ZNF584: variants seen among roughly 807,000 people sequenced by gnomAD.
The protein encoded by ZNF584 is zinc finger protein 584.
In ZNF584, 12 loss-of-function variants were observed where a neutral mutation model predicts 14.7. The ratio of observed to expected loss-of-function variants is 0.82; its 90% confidence interval spans 0.52 to 1.32. The LOEUF (loss-of-function observed/expected upper bound fraction) is 1.32. ZNF584 is among the 40% of genes most tolerant of loss of function. The pLI is 0.00. For missense variants in ZNF584, 478 were observed against 518.8 expected, an observed-to-expected ratio of 0.92 and a Z score of 0.76; for synonymous variants, 204 against 190.9, an observed-to-expected ratio of 1.07 and a Z score of -0.57.
chr19:58,402,876 C>G (rs1274158520), intron 1 of ZNF584, among the ~76,000 whole-genome samples: 1 of 148,582 alleles, frequency 6.7e-6, no homozygotes, highest in Non-Finnish European at 1.5e-5. Context: ...AGACCCCTCA[C>G]CTAAGAAAAA....
chr19:58,408,483 C>T (rs547682898), upstream of ZNF584: 3 of 152,584 alleles, frequency 2.0e-5, no homozygotes, highest in Admixed American at 2.0e-4. Context: ...CGCCCCAAAG[C>T]CAGCGCCGAA....
At chr19:58,408,106 A>T (rs2052490146), upstream of ZNF584, 1 of 152,284 alleles carries the variant, frequency 6.6e-6, no homozygotes, top group South Asian at 2.1e-4. Context: ...CCCTGGTCCC[A>T]GCCGCTCTTT....
upstream of ZNF584, chr19:58,408,181 C>T (rs1350200619): frequency 6.6e-6 from 1 of 152,268 alleles, no homozygotes; most frequent in African/African-American, 2.4e-5. Flanking sequence ...GAGCCTTGCT[C>T]CGGGCTCCGT....
intron 1 of ZNF584, among the ~76,000 whole-genome samples, chr19:58,409,557 AG>A (rs1321845935): frequency 2.0e-5 from 3 of 152,126 alleles, no homozygotes; most frequent in African/African-American, 7.2e-5. Context: ...GAGAAGGATG[AG>A]CATAGGTTTG....
chr19:58,413,609 C>T (rs867313943), intron 2 of ZNF584, among the ~76,000 whole-genome samples: 2 of 151,088 alleles, frequency 1.3e-5, no homozygotes, highest in East Asian at 2.0e-4. Flanking sequence ...CAAGTTCAAG[C>T]GATTCTCCTG....
intron 3 of ZNF584, chr19:58,416,077 T>G (rs2052638797): frequency 9.7e-7 from 1 of 1,028,246 alleles, no homozygotes; most frequent in African/African-American, 1.6e-5. Flanking sequence ...GCTGAAACCC[T>G]TTGCAGAGGA....
At chr19:58,404,350 C>T, upstream of ZNF584, 180 of 153,804 alleles carry the variant, frequency 1.2e-3, no homozygotes, top group Middle Eastern at 5.9e-3. Flanking sequence ...GAACAAAGGT[C>T]TCTGGTTTTC....
At chr19:58,407,920 G>C (rs1028695423), upstream of ZNF584, among the ~76,000 whole-genome samples, 5 of 152,210 alleles carry the variant, frequency 3.3e-5, no homozygotes, top group African/African-American at 4.8e-5. Context: ...ACCATGGCCT[G>C]ATATGGGGTA....
intron 2 of ZNF584, among the ~76,000 whole-genome samples, chr19:58,414,659 C>T (rs1421486981): frequency 6.6e-6 from 1 of 151,836 alleles, no homozygotes; most frequent in Non-Finnish European, 1.5e-5. Context: ...ATTTTATATC[C>T]TAGCAAATGG....
At chr19:58,403,853 C>G (rs948432671), upstream of ZNF584, among the ~76,000 whole-genome samples, 9 of 150,638 alleles carry the variant, frequency 6.0e-5, no homozygotes, top group African/African-American at 2.2e-4. Flanking sequence ...CTTGTCGTCC[C>G]AGCTATTCGT....
At chr19:58,402,336 C>G (rs906481863) in intron 1 of ZNF584, among the ~76,000 whole-genome samples, 3 of 152,230 alleles carry the variant, frequency 2.0e-5, no homozygotes, top group Admixed American at 6.5e-5. Flanking sequence ...AAGAAGTGCC[C>G]AAGAGGGGCC....
Position 58,417,095 on chromosome 19 carries a change from A to G in ZNF584, c.577A>G (p.Arg193Gly). The part of the protein sequence containing the change: ...EERPFRCPTG[R>G]SAFKKSAHIN... ...GAGACCCTTCAGATGCCCAACAGGCAGAAGTGCTTTCAAGAAGTCAGCTCA... is the reference window on the plus strand; with the variant it reads ...GAGACCCTTCAGATGCCCAACAGGCGGAAGTGCTTTCAAGAAGTCAGCTCA... Residue 193 changes from arginine to glycine, a missense_variant, in exon 4 of 4, where the codon AGA becomes GGA. Around this residue, in one of 3 missense-constraint regions of ZNF584, gnomAD observed 283 missense variants for 317.3 expected, o/e 0.89. Coordinates refer to ENST00000306910, the MANE Select transcript of ZNF584 (RefSeq NM_173548.3). 6.2e-7 allele frequency: 1 copy of G among 1,614,052 alleles called. No homozygotes were observed. Among genetic ancestry groups the G allele is most frequent in the Non-Finnish European group, 8.5e-7 (1 of 1,179,894 alleles).
chr19:58,417,625 C>T lies in ZNF584; in HGVS notation c.1107C>T (p.Arg369=). The stretch of plus-strand genomic sequence containing the variant: ...AAACCTTCACTACCAGATCCTACCG[C>T]AATCGGCACCAGCAGTTCCACACTG... The part of the protein sequence containing the change: ...CGKTFTTRSY[R]NRHQQFHTEE... Residue 369 remains arginine, a synonymous_variant, in exon 4 of 4, where the codon CGC becomes CGT. Transcript: ENST00000306910. 1 of 1,614,136 alleles carries T rather than the reference C, an allele frequency of 6.2e-7. No individual in the cohort carries two copies. Among genetic ancestry groups the T allele is most frequent in the East Asian group, 2.2e-5 (1 of 44,866 alleles).
chr19:58,417,294 TACACCAGAGGATTC>T lies in ZNF584; in HGVS notation c.781_794del (p.Gln261TrpfsTer12). 2 of 1,614,240 alleles carry T rather than the reference TACACCAGAGGATTC, an allele frequency of 1.2e-6. No individual in the cohort carries two copies. On this transcript the variant is annotated frameshift_variant, in exon 4 of 4. Transcript: ENST00000306910. LOFTEE classifies it low-confidence loss of function (END_TRUNC). ...TTCAACCGCAAAGACGCACTTGTTC[TACACCAGAGGATTC>T]ACACTGGAGAAAGGCCTTACGAGTG...
rs142051982 is a variant in ZNF584, at chr19:58,409,921, T to A, written c.19-20T>A. The A allele has an allele frequency of 8.5e-3, 13,794 of 1,614,048 alleles. 89 individuals carry two copies. The highest frequency in any genetic ancestry group is 9.5e-3 in the Non-Finnish European group (11,247 of 1,179,952). On this transcript the variant is annotated intron_variant, in intron 1 of 3. Coordinates refer to ENST00000306910, the MANE Select transcript of ZNF584 (RefSeq NM_173548.3). Reference sequence around the variant, plus strand: ...TGTCCATATTTTGGTTGTTTTTTTCTGCCCATCATTGACCCCAAGGCTCAG... The same window carrying A: ...TGTCCATATTTTGGTTGTTTTTTTCAGCCCATCATTGACCCCAAGGCTCAG...
In ZNF584 at chr19:58,417,284, G is replaced by A. The variant is rs2052656504; in HGVS notation, c.766G>A (p.Ala256Thr). ...DCGKTFNRKD[A>T]LVLHQRIHTG... ...TGGTAAAACCTTCAACCGCAAAGAC[G>A]CACTTGTTCTACACCAGAGGATTCA... is the stretch of plus-strand genomic sequence containing the variant. The change falls in exon 4 of 4, where the codon GCA becomes ACA. Residue 256 changes from alanine to threonine, a missense_variant. Physicochemically the swap from Ala to Thr is moderately conservative, Grantham distance 58. Coordinates refer to ENST00000306910, the MANE Select transcript of ZNF584 (RefSeq NM_173548.3). 6.2e-7 allele frequency: 1 copy of A among 1,614,100 alleles called. No homozygotes were observed. The highest frequency in any genetic ancestry group is 8.5e-7 in the Non-Finnish European group (1 of 1,180,030).
rs754603946 is a variant in ZNF584, at chr19:58,417,508, A to G, written c.990A>G (p.Gln330=). The change falls in exon 4 of 4, where the codon CAA becomes CAG. Residue 330 remains glutamine (Q), a synonymous_variant. Transcript: ENST00000306910. ...HTGERPFECK[Q]CGKGYVTRSG... ...GAGAAAGGCCTTTTGAATGCAAGCA[A>G]TGTGGGAAAGGCTACGTGACCCGTT... 7.4e-6 allele frequency: 12 copies of G among 1,614,084 alleles called. No individual in the cohort carries two copies. The highest frequency in any genetic ancestry group is 1.7e-5 in the Admixed American group (1 of 59,996).
At chr19:58,403,958 CAAAAAAA>C (rs35295910), upstream of ZNF584, among the ~76,000 whole-genome samples, 1 of 80,092 alleles carries the variant, frequency 1.2e-5, no homozygotes, top group East Asian at 4.7e-4. Flanking sequence ...AACTCCGTCT[CAAAAAAA>C]AAAAAAAAAA....
rs376228472 is a variant in ZNF584 at position 58,417,373 on chromosome 19, C to T, written c.855C>T (p.Leu285=). Residue 285 remains leucine, a synonymous_variant, in exon 4 of 4, where the codon CTC becomes CTT. Coordinates refer to ENST00000306910, the MANE Select transcript of ZNF584 (RefSeq NM_173548.3). ...AAACCTTCAGTGTTCTGTCTACCCT[C>T]ATTCGGCACCGGAAAGTGCACATTG... ...CGKTFSVLST[L]IRHRKVHIGE... is the part of the protein sequence containing the mutation. 1 of 1,614,106 alleles carries T rather than the reference C, an allele frequency of 6.2e-7. No homozygotes were observed. The highest frequency in any genetic ancestry group is 8.5e-7 in the Non-Finnish European group (1 of 1,179,938).
Sources: gnomAD v4.1 joint callset for allele counts (sites outside exome capture counted in the v4.1 genomes callset) on GRCh38, gnomAD v4.1.1 for gene constraint, gnomAD v4.1.1 regional missense constraint, MANE v1.5 for transcripts, NCBI Gene and HGNC (gene_info 2026-07-23, HGNC 2026-07-21) for gene names.